The following PRICKLE1 variants were observed in gnomAD, a reference collection of about 807,000 sequenced individuals.
PRICKLE1 encodes the protein prickle planar cell polarity protein 1.
In PRICKLE1, 14 loss-of-function variants were observed where a neutral mutation model predicts 70.2. The ratio of observed to expected loss-of-function variants is 0.20; its 90% confidence interval spans 0.13 to 0.31. PRICKLE1 has a LOEUF of 0.31. PRICKLE1 is among the 10% of genes least tolerant of loss of function. PRICKLE1 has a pLI of 1.00. For missense variants in PRICKLE1, 821 were observed against 1,026.2 expected (o/e 0.80, Z 2.73); for synonymous variants, 357 against 379.9 (o/e 0.94, Z 0.70).
At chr12:42,462,093 C>T (rs776588641) in intron 7 of PRICKLE1, among the ~76,000 whole-genome samples, 9 of 152,072 alleles carry the variant, frequency 5.9e-5, no homozygotes, top group Non-Finnish European at 7.4e-5. Flanking sequence ...CCACCGCGCC[C>T]GGCCCTATAT....
At chr12:42,579,014 C>T (rs1258904263) in intron 1 of PRICKLE1, among the ~76,000 whole-genome samples, 3 of 152,134 alleles carry the variant, frequency 2.0e-5, no homozygotes, top group African/African-American at 4.8e-5. Flanking sequence ...CTGCCCACTT[C>T]GGCCTCCCAA....
chr12:42,568,493 A>G (rs2120740229), intron 1 of PRICKLE1, among the ~76,000 whole-genome samples: 1 of 152,326 alleles, frequency 6.6e-6, no homozygotes, highest in Middle Eastern at 3.4e-3. Context: ...TTTAAATAAC[A>G]AAAATCTCAT....
At chr12:42,519,322 G>A (rs1452822145) in intron 1 of PRICKLE1, among the ~76,000 whole-genome samples, 7 of 147,756 alleles carry the variant, frequency 4.7e-5, no homozygotes, top group African/African-American at 1.0e-4. Context: ...TCGGCCTCCC[G>A]AGTAGCTGGG....
chr12:42,522,412 T>C (rs1478688154), intron 1 of PRICKLE1, among the ~76,000 whole-genome samples: 1 of 152,120 alleles, frequency 6.6e-6, no homozygotes, highest in East Asian at 1.9e-4. Context: ...ATCAGGGGTT[T>C]TAGGGCTATT....
At chr12:42,489,016 C>T (rs1939040911) in intron 1 of PRICKLE1, among the ~76,000 whole-genome samples, 1 of 151,490 alleles carries the variant, frequency 6.6e-6, no homozygotes, top group Non-Finnish European at 1.5e-5. Context: ...CTCCGCCTCC[C>T]AGGTTCAAGC....
At position 42,500,703 on chromosome 12, in the gene PRICKLE1, TG is replaced by T. The variant is rs1365603768; in HGVS notation, c.-48-28140del. On this transcript the variant is annotated intron_variant, in intron 1 of 7. Transcript: ENST00000345127. ...ACTAAAATCTTTCAGTTTCAACAAA[TG>T]AAAAAAAAGCAATAGAATTAATATT... 2.5e-4 allele frequency among the ~76,000 whole-genome samples: 38 copies of T among 149,282 alleles called. 1 individual carries two copies. The Admixed American group carries it at 2.5e-3, about 10-fold the overall frequency.
rs1371533275 is a variant in PRICKLE1, at chr12:42,459,840, C to A, written c.2465G>T (p.Gly822Val). 2.5e-6 allele frequency: 4 copies of A among 1,614,026 alleles called. No homozygotes were observed. The highest frequency in any genetic ancestry group is 3.4e-6 in the Non-Finnish European group (4 of 1,180,036). The change falls in exon 8 of 8, where the codon GGA becomes GTA. Residue 822 changes from glycine (G) to valine (V), a missense_variant. Coordinates refer to ENST00000345127, the MANE Select transcript of PRICKLE1 (RefSeq NM_153026.3). ...AATAATACAATTTTTGCCCTTGTGTCCCTTTTTCTTCTTGGATTTTGTTGT... is the reference window on the plus strand; with the variant it reads ...AATAATACAATTTTTGCCCTTGTGTACCTTTTTCTTCTTGGATTTTGTTGT... ...QRTTKSKKKK[G>V]HKGKNCIIS
At position 42,464,444 on chromosome 12, in the gene PRICKLE1, C is replaced by G; in HGVS notation, c.1590G>C (p.Glu530Asp). Residue 530 changes from glutamate (E) to aspartate (D), a missense_variant, in exon 7 of 8, where the codon GAG becomes GAC. Glu to Asp is a conservative substitution (Grantham distance 45, BLOSUM62 2). Coordinates refer to ENST00000345127, the MANE Select transcript of PRICKLE1 (RefSeq NM_153026.3). This position sits in a 1 kb window ranked among gnomAD's most constrained non-coding sequence, Gnocchi z 4.2. ...SLECLSDLKP[E>D]QSVRDSMDSL... ...AATCCATCGAATCCCGAACACTTTG[C>G]TCTGGTTTCAGGTCTGACAGACACT... The G allele has an allele frequency of 6.2e-7, 1 of 1,614,074 alleles. No individual in the cohort carries two copies. The highest frequency in any genetic ancestry group is 1.1e-5 in the South Asian group (1 of 91,088).
At chr12:42,484,011 T>TA (rs66707460) in intron 1 of PRICKLE1, 1 of 20,862 alleles carries the variant, frequency 4.8e-5, no homozygotes, top group Non-Finnish European at 7.5e-5. Context: ...GAGCCCGCAG[T>TA]AAAAAAAAAA....
chr12:42,472,187 C>T (rs559711826), intron 2 of PRICKLE1, among the ~76,000 whole-genome samples, 198 bp downstream of exon 2: 1 of 152,118 alleles, frequency 6.6e-6, no homozygotes, highest in South Asian at 2.1e-4. Context: ...ATGGGTACGA[C>T]GAGATTGGAA....
At chr12:42,544,176 C>T (rs1940167538) in intron 1 of PRICKLE1, among the ~76,000 whole-genome samples, 1 of 152,170 alleles carries the variant, frequency 6.6e-6, no homozygotes, top group African/African-American at 2.4e-5. Flanking sequence ...GTCAACATTG[C>T]TGCCCATCAA....
chr12:42,515,240 ATT>A lies in PRICKLE1; in HGVS notation c.-48-42678_-48-42677del, dbSNP rs11360372. ...CACACTTGGCTCTAAGGCATTATCT[ATT>A]TTTTTTTTTTTTTTGAGATGGAATT... is the stretch of plus-strand genomic sequence containing the variant. On this transcript the variant is annotated intron_variant, in intron 1 of 7. Transcript: ENST00000345127. Among the ~76,000 whole-genome samples, 493 of 138,642 alleles carry A rather than the reference ATT, an allele frequency of 3.6e-3. 4 individuals are homozygous for A. Among genetic ancestry groups the A allele is most frequent in the Middle Eastern group, 0.011 (3 of 262 alleles). 91.0% of individuals were successfully genotyped at this position (138,642 alleles called of 152,430 possible).
chr12:42,496,681 C>T (rs1454126397), intron 1 of PRICKLE1, among the ~76,000 whole-genome samples: 3 of 151,966 alleles, frequency 2.0e-5, no homozygotes, highest in Non-Finnish European at 2.9e-5. Flanking sequence ...CCACTCGCTA[C>T]TTCACCTTGC....
At chr12:42,558,169 A>G (rs1322095978) in intron 1 of PRICKLE1, among the ~76,000 whole-genome samples, 3 of 152,248 alleles carry the variant, frequency 2.0e-5, no homozygotes, top group African/African-American at 4.8e-5. Context: ...AGCTGGTGCT[A>G]TTTTACATAA....
chr12:42,526,206 C>A (rs762965767), intron 1 of PRICKLE1, among the ~76,000 whole-genome samples: 8 of 151,970 alleles, frequency 5.3e-5, no homozygotes, highest in Non-Finnish European at 1.0e-4. Context: ...TATTTCTTGG[C>A]ACTTTTCTAG....
intron 7 of PRICKLE1, among the ~76,000 whole-genome samples, chr12:42,461,133 G>A (rs1270834678): frequency 1.3e-5 from 2 of 152,136 alleles, no homozygotes; most frequent in Admixed American, 6.6e-5. Context: ...CACCCACCTC[G>A]GCCTCCCACA....
At chr12:42,551,030 C>G (rs1296413555) in intron 1 of PRICKLE1, among the ~76,000 whole-genome samples, 1 of 152,166 alleles carries the variant, frequency 6.6e-6, no homozygotes, top group Non-Finnish European at 1.5e-5. Context: ...AAATGTGCCA[C>G]AGTCAGCACA....
intron 1 of PRICKLE1, among the ~76,000 whole-genome samples, chr12:42,505,732 G>A (rs1157304599): frequency 1.3e-5 from 2 of 152,116 alleles, no homozygotes; most frequent in Non-Finnish European, 2.9e-5. Flanking sequence ...CACTGAGCCC[G>A]GCCCAGGTTG....
At chr12:42,495,483 C>T (rs1939182363) in intron 1 of PRICKLE1, among the ~76,000 whole-genome samples, 1 of 152,094 alleles carries the variant, frequency 6.6e-6, no homozygotes, top group African/African-American at 2.4e-5. Flanking sequence ...CCTCTCACCT[C>T]AGCCTCCCAA....
Sources: gnomAD v4.1 joint callset for allele counts (sites outside exome capture counted in the v4.1 genomes callset) on GRCh38, gnomAD v4.1.1 for gene constraint, Gnocchi (gnomAD v3.1) non-coding constraint, MANE v1.5 for transcripts, NCBI Gene and HGNC (gene_info 2026-07-23, HGNC 2026-07-21) for gene names.